SOX6: variants seen among roughly 807,000 people sequenced by gnomAD.
SOX6 encodes transcription factor SOX-6.
In SOX6, 11 loss-of-function variants were observed where a neutral mutation model predicts 97.8. That is an observed-to-expected ratio of 0.11 (90% confidence interval 0.07 to 0.19). SOX6 has a LOEUF of 0.19. SOX6 is among the 10% of genes least tolerant of loss of function. The probability of loss-of-function intolerance (pLI) is 1.00; values close to 1 mark genes in which losing one functional copy is unlikely to be tolerated. For missense variants in SOX6, 810 were observed against 1,039.5 expected (o/e 0.78, Z 3.04); for synonymous variants, 360 against 371.4 (o/e 0.97, Z 0.35).
At chr11:16,146,691 A>C (rs1008441319) in intron 6 of SOX6, among the ~76,000 whole-genome samples, 5 of 152,236 alleles carry the variant, frequency 3.3e-5, no homozygotes, top group African/African-American at 1.2e-4. Flanking sequence ...AAGTGGGCAA[A>C]GGATATGAAC....
chr11:16,495,934 C>A (rs958593956), intron 4 of SOX6, among the ~76,000 whole-genome samples: 1 of 152,204 alleles, frequency 6.6e-6, no homozygotes. Context: ...CCACTAACAA[C>A]CACAGCCTAA....
At chr11:16,364,840 A>C (rs115642326) in intron 1 of SOX6, among the ~76,000 whole-genome samples, 1,886 of 152,210 alleles carry the variant, frequency 0.012, 45 homozygotes, top group African/African-American at 0.043. Context: ...ATAACTATAG[A>C]TATGAATTCA....
intron 3 of SOX6, among the ~76,000 whole-genome samples, chr11:16,627,493 C>A (rs1848638530): frequency 6.6e-6 from 1 of 152,132 alleles, no homozygotes; most frequent in Admixed American, 6.5e-5. Flanking sequence ...ATAGCCATTC[C>A]AACTTGTATG....
chr11:16,238,581 C>A (rs1156269087), intron 3 of SOX6, among the ~76,000 whole-genome samples: 1 of 151,990 alleles, frequency 6.6e-6, no homozygotes, highest in Non-Finnish European at 1.5e-5. Flanking sequence ...TCAGACAAAC[C>A]TGCAGCAGTA....
At chr11:16,382,539 G>C (rs1857855228) in intron 1 of SOX6, 2 of 151,930 alleles carry the variant, frequency 1.3e-5, no homozygotes, top group African/African-American at 2.4e-5. Flanking sequence ...AGGATACCAA[G>C]CAAGTTCAAC....
intron 4 of SOX6, among the ~76,000 whole-genome samples, chr11:16,595,214 AT>A (rs2133974662): frequency 6.6e-6 from 1 of 152,116 alleles, no homozygotes; most frequent in South Asian, 2.1e-4. Context: ...ATTACCAACA[AT>A]GCAAGTCTCC....
intron 4 of SOX6, among the ~76,000 whole-genome samples, chr11:16,519,708 G>A (rs1343655097): frequency 6.6e-6 from 1 of 152,064 alleles, no homozygotes; most frequent in Non-Finnish European, 1.5e-5. Context: ...TTTCCTTTGG[G>A]TAGAAACCTA....
At chr11:16,619,466 A>C (rs1192071724) in intron 3 of SOX6, among the ~76,000 whole-genome samples, 1 of 152,016 alleles carries the variant, frequency 6.6e-6, no homozygotes, top group African/African-American at 2.4e-5. Context: ...AAACCAAATA[A>C]ATTCTAATTT....
At chr11:16,711,902 C>T (rs1014073819) in intron 3 of SOX6, among the ~76,000 whole-genome samples, 2 of 152,122 alleles carry the variant, frequency 1.3e-5, no homozygotes, top group African/African-American at 4.8e-5. Context: ...CGAAGTCCAT[C>T]ATATCATTCT....
chr11:16,464,621 T>C (rs1859993418), intron 1 of SOX6, among the ~76,000 whole-genome samples: 1 of 152,170 alleles, frequency 6.6e-6, no homozygotes, highest in South Asian at 2.1e-4. Context: ...AGAAACCTAA[T>C]TCACCTGATT....
At chr11:16,451,767 G>A (rs1481872384) in intron 1 of SOX6, among the ~76,000 whole-genome samples, 2 of 151,900 alleles carry the variant, frequency 1.3e-5, no homozygotes, top group Admixed American at 6.6e-5. Context: ...GGTCAGGTGC[G>A]CTGGCTGATG....
chr11:16,602,750 G>A (rs1848285490), intron 4 of SOX6, among the ~76,000 whole-genome samples: 1 of 151,962 alleles, frequency 6.6e-6, no homozygotes, highest in Admixed American at 6.6e-5. Flanking sequence ...GGCCGGGCGC[G>A]GCTGTTCACG....
At chr11:15,995,691 A>G (rs1854203002) in intron 13 of SOX6, among the ~76,000 whole-genome samples, 1 of 152,168 alleles carries the variant, frequency 6.6e-6, no homozygotes, top group African/African-American at 2.4e-5. Context: ...CCTAGAAACT[A>G]GTTAAACTTC....
At chr11:16,380,974 C>T (rs1857796698) in intron 1 of SOX6, among the ~76,000 whole-genome samples, 1 of 150,882 alleles carries the variant, frequency 6.6e-6, no homozygotes, top group Non-Finnish European at 1.5e-5. Context: ...AATAATCTCT[C>T]CAAGTTTTAG....
chr11:16,520,172 C>A (rs1377162949), intron 4 of SOX6, among the ~76,000 whole-genome samples: 3 of 152,108 alleles, frequency 2.0e-5, no homozygotes, highest in African/African-American at 7.2e-5. Flanking sequence ...TTGATTGTTT[C>A]TTTTGCTGTA....
At chr11:16,440,898 T>C (rs1859491858) in intron 1 of SOX6, among the ~76,000 whole-genome samples, 1 of 152,084 alleles carries the variant, frequency 6.6e-6, no homozygotes, top group African/African-American at 2.4e-5. Context: ...GAGAGAAAAA[T>C]TTCTCCAATG....
intron 4 of SOX6, among the ~76,000 whole-genome samples, chr11:16,497,991 G>A (rs1345168930): frequency 1.3e-5 from 2 of 152,110 alleles, no homozygotes; most frequent in East Asian, 1.9e-4. Context: ...TCCTCGAGAA[G>A]AGCAACTCCA....
rs567468454 is a variant in SOX6, at chr11:16,136,208, C to T, written c.778-24285G>A. 1.4e-3 allele frequency among the ~76,000 whole-genome samples: 208 copies of T among 151,972 alleles called. 3 individuals are homozygous for T. The highest frequency in any genetic ancestry group is 2.5e-3 in the South Asian group (12 of 4,800). ...TAATTTTTTTGTATTTTAGTAGAGA[C>T]GGGGTTTCACCATGTTGGCCAGGAT... On this transcript the variant is annotated intron_variant, in intron 6 of 15. Coordinates refer to ENST00000683767, the MANE Select transcript of SOX6 (RefSeq NM_001367873.1).
intron 1 of SOX6, among the ~76,000 whole-genome samples, chr11:16,343,172 C>A (rs1856684484): frequency 1.3e-5 from 2 of 151,802 alleles, no homozygotes; most frequent in Non-Finnish European, 2.9e-5. Context: ...TAAAACCAGG[C>A]AAATTATAAT....
Sources: allele counts gnomAD v4.1 joint callset (sites outside exome capture counted in the v4.1 genomes callset), GRCh38; gene constraint gnomAD v4.1.1; transcripts MANE v1.5; gene names NCBI Gene and HGNC (gene_info 2026-07-23, HGNC 2026-07-21).